The following PRDM15 variants were observed in gnomAD, a reference collection of about 807,000 sequenced individuals.
PRDM15 encodes the protein PR domain zinc finger protein 15.
In PRDM15, 64 loss-of-function variants were observed where a neutral mutation model predicts 128.6. The ratio of observed to expected loss-of-function variants is 0.50; its 90% confidence interval spans 0.41 to 0.61. The LOEUF (loss-of-function observed/expected upper bound fraction) is 0.61, where lower values mean the gene tolerates loss of function less well. PRDM15 is among the 20% of genes least tolerant of loss of function. The pLI is 0.00. For missense variants in PRDM15, 1,242 were observed against 1,569.1 expected, an observed-to-expected ratio of 0.79 and a Z score of 3.52; for synonymous variants, 615 against 621.8, an observed-to-expected ratio of 0.99 and a Z score of 0.16.
Position 41,859,008 on chromosome 21 carries a change from A to G in PRDM15, c.131+584T>C. 2 of 1,530,846 alleles carry G rather than the reference A, an allele frequency of 1.3e-6. No individual in the cohort carries two copies. The highest frequency in any genetic ancestry group is 1.8e-6 in the Non-Finnish European group (2 of 1,132,116). 94.8% of individuals were successfully genotyped at this position (1,530,846 alleles called of 1,614,324 possible). Reference sequence around the variant, plus strand: ...CTACAGAGGCCACCGAGGTCCGGAGAGGAGTGCCTTGTCCAAGCTCACCTG... The same window carrying G: ...CTACAGAGGCCACCGAGGTCCGGAGGGGAGTGCCTTGTCCAAGCTCACCTG... On this transcript the variant is annotated intron_variant, in intron 3 of 23. Transcript: ENST00000398548. The surrounding 1 kb of genome is among the most constrained non-coding windows in gnomAD (Gnocchi z 5.3).
At chr21:41,819,552 C>T in intron 18 of PRDM15, 30 bp downstream of exon 18, 1 of 1,606,532 alleles carries the variant, frequency 6.2e-7, no homozygotes, top group South Asian at 1.1e-5. Flanking sequence ...CTGGCTGAGC[C>T]TGGCCCATGT....
Position 41,826,049 on chromosome 21 carries a change from G to T in PRDM15, c.1540C>A (p.Arg514=), listed in dbSNP as rs139958739. ...TCCAGGTCCTCTCGCTTCACTCGCC[G>T]CACTCCTGAAATTGCCAACCCCACC... ...DHQRRHLEGV[R]RVKREDLEAG... The change falls in exon 13 of 24, where the codon CGG becomes AGG. Residue 514 remains arginine (R), a synonymous_variant. Coordinates refer to ENST00000398548, the MANE Select transcript of PRDM15 (RefSeq NM_001040424.3). The T allele has an allele frequency of 6.2e-7, 1 of 1,613,488 alleles. No individual in the cohort carries two copies. The highest frequency in any genetic ancestry group is 1.7e-5 in the Admixed American group (1 of 59,982).
chr21:41,836,417 GCCCC>G, intron 9 of PRDM15, 47 bp downstream of exon 9: 1 of 1,562,420 alleles, frequency 6.4e-7, no homozygotes, highest in South Asian at 1.2e-5. Context: ...CCCACCCCCA[GCCCC>G]AGTCCTGGCC....
At chr21:41,816,741 C>T (rs2062065886) in intron 18 of PRDM15, among the ~76,000 whole-genome samples, 1 of 152,140 alleles carries the variant, frequency 6.6e-6, no homozygotes, top group South Asian at 2.1e-4. Flanking sequence ...CGCGGCTGGG[C>T]CAGCAGGGGG....
chr21:41,808,388 G>A (rs78261070), intron 21 of PRDM15, among the ~76,000 whole-genome samples: 2 of 152,220 alleles, frequency 1.3e-5, no homozygotes, highest in African/African-American at 4.8e-5. Flanking sequence ...CTGGCTTCCC[G>A]GACTGGAGAG....
rs76589985 is a variant in PRDM15, at chr21:41,813,529, C to T, written c.2392+2176G>A. On this transcript the variant is annotated intron_variant, in intron 19 of 23. Coordinates refer to ENST00000398548, the MANE Select transcript of PRDM15 (RefSeq NM_001040424.3). ...TGGGCTGGATAAAGGCAGGACCCAA[C>T]GTGCAGTTGAGGGGCCCCCAGGGGG... 638 of 152,500 alleles carry T rather than the reference C, an allele frequency of 4.2e-3. 24 individuals are homozygous for T. The East Asian group carries it at 0.1, about 24-fold the overall frequency. The allele number at this position is 152,500 out of a possible 1,614,324, so 9.4% of individuals were successfully genotyped here.
Position 41,810,898 on chromosome 21 carries a change from C to CATGCCCTG in PRDM15, c.2393-63_2393-62insCAGGGCAT. ...TGAGTGTTGTAAGTCCACATCAGGGCATGTCTTCTCCCTGACACGTTCCAG... is the reference window on the plus strand; with the variant it reads ...TGAGTGTTGTAAGTCCACATCAGGGCATGCCCTGATGTCTTCTCCCTGACACGTTCCAG... On this transcript the variant is annotated intron_variant, in intron 19 of 23. Transcript: ENST00000398548. This position sits in a 1 kb window ranked among gnomAD's most constrained non-coding sequence, Gnocchi z 6.4. The CATGCCCTG allele has an allele frequency of 6.9e-7, 1 of 1,458,748 alleles. No homozygotes were observed. Among genetic ancestry groups the CATGCCCTG allele is most frequent in the Non-Finnish European group, 9.6e-7 (1 of 1,039,274 alleles). The allele number at this position is 1,458,748 out of a possible 1,614,324, so 90.4% of individuals were successfully genotyped here.
intron 1 of PRDM15, among the ~76,000 whole-genome samples, chr21:41,869,913 C>G (rs2064152486): frequency 6.6e-6 from 1 of 152,254 alleles, no homozygotes; most frequent in Non-Finnish European, 1.5e-5. Flanking sequence ...CGGATGCCCA[C>G]ACTTACGTGC....
rs2064539145 is a variant in PRDM15, at chr21:41,879,043, A to T, written c.-10+227T>A. 2 of 1,120,790 alleles carry T rather than the reference A, an allele frequency of 1.8e-6. No homozygotes were observed. Among genetic ancestry groups the T allele is most frequent in the African/African-American group, 3.5e-5 (2 of 57,908 alleles). 69.4% of individuals were successfully genotyped at this position (1,120,790 alleles called of 1,614,324 possible). ...GGCGATCCCGGAGCGGCTCCGGGAA[A>T]TCCAGCCGGGTTTTGACTCCGATCG... On this transcript the variant is annotated intron_variant, in intron 1 of 23. Transcript: ENST00000398548. The surrounding 1 kb of genome is among the most constrained non-coding windows in gnomAD (Gnocchi z 5.1).
At chr21:41,817,417 G>A (rs1197406562) in intron 18 of PRDM15, among the ~76,000 whole-genome samples, 1 of 152,124 alleles carries the variant, frequency 6.6e-6, no homozygotes, top group African/African-American at 2.4e-5. Context: ...CTGGGCCCCT[G>A]CCTCCACCTG....
At chr21:41,864,545 C>T (rs1356573503) in intron 1 of PRDM15, among the ~76,000 whole-genome samples, 2 of 152,008 alleles carry the variant, frequency 1.3e-5, no homozygotes, top group Admixed American at 6.6e-5. Flanking sequence ...CATCTTAGGA[C>T]GCAGTTGTCA....
intron 11 of PRDM15, among the ~76,000 whole-genome samples, chr21:41,829,249 A>G (rs900737996): frequency 6.8e-6 from 1 of 147,780 alleles, no homozygotes; most frequent in Non-Finnish European, 1.5e-5. Context: ...ATACATACAC[A>G]CCCAACACAC....
Position 41,810,461 on chromosome 21 carries a change from G to A in PRDM15, c.2477-132C>T, listed in dbSNP as rs1054598744. 2.4e-5 allele frequency: 24 copies of A among 1,009,024 alleles called. No homozygotes were observed. The highest frequency in any genetic ancestry group is 1.9e-4 in the South Asian group (12 of 64,150). The allele number at this position is 1,009,024 out of a possible 1,614,324, so 62.5% of individuals were successfully genotyped here. A position where few individuals can be genotyped will look rare whatever the true frequency, so the allele number is the denominator to read the frequency against. ...TGTCACGCCCCGCCCATCCTGAGAGGGCCGGTGCTGGTCCCCGAGCACACA... is the reference window on the plus strand; with the variant it reads ...TGTCACGCCCCGCCCATCCTGAGAGAGCCGGTGCTGGTCCCCGAGCACACA... On this transcript the variant is annotated intron_variant, in intron 20 of 23. Transcript: ENST00000398548. This position sits in a 1 kb window ranked among gnomAD's most constrained non-coding sequence, Gnocchi z 6.4.
chr21:41,859,779 G>T lies in PRDM15; in HGVS notation c.38-94C>A. ...ATGGGGACCCTGGCCCCATGAGGGTGACCCAGAGTCATGAGACACATGCAT... is the reference window on the plus strand; with the variant it reads ...ATGGGGACCCTGGCCCCATGAGGGTTACCCAGAGTCATGAGACACATGCAT... On this transcript the variant is annotated intron_variant, in intron 2 of 23. Transcript: ENST00000398548. This position sits in a 1 kb window ranked among gnomAD's most constrained non-coding sequence, Gnocchi z 5.3. 1 of 1,001,240 alleles carries T rather than the reference G, an allele frequency of 1.0e-6. No homozygotes were observed. The highest frequency in any genetic ancestry group is 1.4e-5 in the South Asian group (1 of 72,390). 62.0% of individuals were successfully genotyped at this position (1,001,240 alleles called of 1,614,324 possible).
rs1194035640 is a variant in PRDM15, at chr21:41,862,541, C to G, written c.-9-2169G>C. 6.6e-6 allele frequency among the ~76,000 whole-genome samples: 1 copy of G among 152,216 alleles called. No homozygotes were observed. Among genetic ancestry groups the G allele is most frequent in the Non-Finnish European group, 1.5e-5 (1 of 67,986 alleles). On this transcript the variant is annotated intron_variant, in intron 1 of 23. Coordinates refer to ENST00000398548, the MANE Select transcript of PRDM15 (RefSeq NM_001040424.3). This position sits in a 1 kb window ranked among gnomAD's most constrained non-coding sequence, Gnocchi z 4.1. ...GGGAAGCTGGAGAGCAGGGTTTTAG[C>G]CCCCTGTGCTGCACTCTGATTCTAT...
At position 41,836,587 on chromosome 21, in the gene PRDM15, T is replaced by C; in HGVS notation, c.1064A>G (p.His355Arg). 6.2e-7 allele frequency: 1 copy of C among 1,613,430 alleles called. No homozygotes were observed. Among genetic ancestry groups the C allele is most frequent in the South Asian group, 1.1e-5 (1 of 91,056 alleles). ...TTTGATGAGCTTGCGCCGGATGCCGTGTCTGCTTGAGAGAATTAAGCTCCT... is the reference window on the plus strand; with the variant it reads ...TTTGATGAGCTTGCGCCGGATGCCGCGTCTGCTTGAGAGAATTAAGCTCCT... ...LKRSLILSSR[H>R]GIRRKLIKQL... Residue 355 changes from histidine (H) to arginine (R), a missense_variant, in exon 9 of 24, where the codon CAC becomes CGC. Coordinates refer to ENST00000398548, the MANE Select transcript of PRDM15 (RefSeq NM_001040424.3).
intron 1 of PRDM15, among the ~76,000 whole-genome samples, chr21:41,868,412 T>C (rs2145988395): frequency 6.6e-6 from 1 of 152,278 alleles, no homozygotes; most frequent in South Asian, 2.1e-4. Flanking sequence ...ACTGACAGGC[T>C]GTTTTCCAGA....
intron 12 of PRDM15, among the ~76,000 whole-genome samples, 176 bp downstream of exon 12, chr21:41,827,990 T>TC: frequency 6.6e-6 from 1 of 152,134 alleles, no homozygotes; most frequent in Admixed American, 6.5e-5. Context: ...CAACTTACTC[T>TC]CCTGAGACAG....
Position 41,859,702 on chromosome 21 carries a change from G to C in PRDM15, c.38-17C>G. On this transcript the variant is annotated splice_polypyrimidine_tract_variant and intron_variant, in intron 2 of 23. Coordinates refer to ENST00000398548, the MANE Select transcript of PRDM15 (RefSeq NM_001040424.3). The surrounding 1 kb of genome is among the most constrained non-coding windows in gnomAD (Gnocchi z 5.3). ...CTTCACACCCTGCAAGCAGACATCC[G>C]GGCATTAGAGCACCCAGGGAGGGAG... 1.9e-6 allele frequency: 3 copies of C among 1,608,274 alleles called. No individual in the cohort carries two copies. Among genetic ancestry groups the C allele is most frequent in the Admixed American group, 1.7e-5 (1 of 59,850 alleles).
Sources: gnomAD v4.1 joint callset for allele counts (sites outside exome capture counted in the v4.1 genomes callset) on GRCh38, gnomAD v4.1.1 for gene constraint, Gnocchi (gnomAD v3.1) non-coding constraint, MANE v1.5 for transcripts, NCBI Gene and HGNC (gene_info 2026-07-23, HGNC 2026-07-21) for gene names.